DCDC2: variants seen among roughly 807,000 people sequenced by gnomAD.
DCDC2 encodes the protein doublecortin domain containing 2.
DCDC2 carries 40 observed loss-of-function variants against 50.2 expected under a neutral mutation model. The ratio of observed to expected loss-of-function variants is 0.80; its 90% confidence interval spans 0.62 to 1.04. The LOEUF is 1.04. DCDC2 is among the 50% of genes least tolerant of loss of function. DCDC2 has a pLI of 0.00. For synonymous variants in DCDC2, 234 were observed against 210.6 expected, an observed-to-expected ratio of 1.11 and a Z score of -0.96; for missense variants, 570 against 581.9, an observed-to-expected ratio of 0.98 and a Z score of 0.21.
In DCDC2 at chr6:24,174,703, T is replaced by C. The variant is rs1260290896; in HGVS notation, c.*27A>G. ...TGATAACCCTTCATTTTTCTTGCGA[T>C]CCATATACTCTCTTTTTAAAAATGT... On this transcript the variant is annotated 3_prime_UTR_variant, in exon 10 of 10. Coordinates refer to ENST00000378454, the MANE Select transcript of DCDC2 (RefSeq NM_016356.5). The C allele has an allele frequency of 6.7e-7, 1 of 1,489,922 alleles. No homozygotes were observed. The highest frequency in any genetic ancestry group is 2.3e-5 in the East Asian group (1 of 44,208). The allele number at this position is 1,489,922 out of a possible 1,614,324, so 92.3% of individuals were successfully genotyped here. A position where few individuals can be genotyped will look rare whatever the true frequency, so the allele number is the denominator to read the frequency against.
intron 7 of DCDC2, among the ~76,000 whole-genome samples, chr6:24,274,380 G>A (rs1763303950): frequency 6.6e-6 from 1 of 152,072 alleles, no homozygotes; most frequent in Admixed American, 6.5e-5. Context: ...ATATCTCAAG[G>A]CACTGCAACT....
chr6:24,196,660 G>C (rs562557541), intron 8 of DCDC2, among the ~76,000 whole-genome samples: 199 of 152,188 alleles, frequency 1.3e-3, no homozygotes, highest in African/African-American at 4.6e-3. Flanking sequence ...CTGACTTTAG[G>C]TGATCCAGAC....
chr6:24,182,590 C>G (rs1373567355), intron 8 of DCDC2, among the ~76,000 whole-genome samples: 1 of 95,174 alleles, frequency 1.1e-5, no homozygotes, highest in African/African-American at 3.5e-5. Flanking sequence ...CAAATTAAAA[C>G]TGCAATAAGA....
chr6:24,265,031 T>C (rs1469941398), intron 7 of DCDC2, among the ~76,000 whole-genome samples: 1 of 152,190 alleles, frequency 6.6e-6, no homozygotes, highest in Non-Finnish European at 1.5e-5. Context: ...CCAAGTGTGA[T>C]GGCTCACACC....
intron 7 of DCDC2, among the ~76,000 whole-genome samples, chr6:24,211,256 G>A (rs935645004): frequency 5.9e-5 from 9 of 152,332 alleles, no homozygotes; most frequent in Non-Finnish European, 1.2e-4. Context: ...TGTTCTTACA[G>A]GGTGTTGCCC....
chr6:24,177,077 C>A (rs1296323219), intron 9 of DCDC2, among the ~76,000 whole-genome samples: 1 of 152,172 alleles, frequency 6.6e-6, no homozygotes, highest in African/African-American at 2.4e-5. Flanking sequence ...TCTAGTCCCA[C>A]ACAGAATTAC....
chr6:24,317,546 A>G (rs1759694477), intron 2 of DCDC2, among the ~76,000 whole-genome samples: 1 of 152,112 alleles, frequency 6.6e-6, no homozygotes, highest in Non-Finnish European at 1.5e-5. Flanking sequence ...TACAAGTACT[A>G]AAAGAAAACA....
At chr6:24,225,114 T>C (rs932923776) in intron 7 of DCDC2, among the ~76,000 whole-genome samples, 1 of 152,152 alleles carries the variant, frequency 6.6e-6, no homozygotes, top group African/African-American at 2.4e-5. Flanking sequence ...TCCTCCAATT[T>C]GGGGGTCCCT....
intron 2 of DCDC2, among the ~76,000 whole-genome samples, chr6:24,314,975 A>G (rs978925477): frequency 6.6e-6 from 1 of 152,186 alleles, no homozygotes; most frequent in Non-Finnish European, 1.5e-5. Flanking sequence ...TTCTTGTAAT[A>G]GGACTAAAAC....
intron 7 of DCDC2, among the ~76,000 whole-genome samples, chr6:24,209,419 G>A (rs769720496): frequency 2.0e-5 from 3 of 152,170 alleles, no homozygotes; most frequent in Non-Finnish European, 2.9e-5. Context: ...AAGGGTGAGT[G>A]ACAACTAGGG....
intron 8 of DCDC2, among the ~76,000 whole-genome samples, chr6:24,201,714 G>A (rs1275746979): frequency 1.3e-5 from 2 of 152,170 alleles, no homozygotes; most frequent in East Asian, 3.8e-4. Flanking sequence ...GCATCCAGGA[G>A]CTGGTTTTTT....
At chr6:24,271,945 C>T (rs1581623687) in intron 7 of DCDC2, among the ~76,000 whole-genome samples, 1 of 152,114 alleles carries the variant, frequency 6.6e-6, no homozygotes, top group East Asian at 1.9e-4. Flanking sequence ...TCAAACTCAA[C>T]CCTGGGCTAC....
chr6:24,222,234 G>A (rs1339776256), intron 7 of DCDC2, among the ~76,000 whole-genome samples: 1 of 152,166 alleles, frequency 6.6e-6, no homozygotes, highest in African/African-American at 2.4e-5. Flanking sequence ...AGAATATAAG[G>A]TGTGATGAGT....
At position 24,358,006 on chromosome 6, in the gene DCDC2, C is replaced by G; in HGVS notation, c.-256G>C. On this transcript the variant is annotated 5_prime_UTR_variant, in exon 1 of 10. Transcript: ENST00000378454. ...GCACAGCCAATCAGGACCCGCAGTG[C>G]GCGCACCACACCAGGTTCACCTGCT... 7.5e-7 allele frequency: 1 copy of G among 1,327,806 alleles called. No individual in the cohort carries two copies. Among genetic ancestry groups the G allele is most frequent in the East Asian group, 2.6e-5 (1 of 39,198 alleles). 82.3% of individuals were successfully genotyped at this position (1,327,806 alleles called of 1,614,324 possible).
chr6:24,217,369 A>T (rs752667737), intron 7 of DCDC2, among the ~76,000 whole-genome samples: 1 of 152,224 alleles, frequency 6.6e-6, no homozygotes, highest in Non-Finnish European at 1.5e-5. Flanking sequence ...AACATCTCTA[A>T]TAATCCAAGG....
the DCDC2 span, among the ~76,000 whole-genome samples, chr6:24,381,610 T>C: frequency 1.3e-5 from 2 of 152,192 alleles, no homozygotes; most frequent in East Asian, 1.9e-4. Context: ...CAGGAGTTTG[T>C]TGTGATTCTT....
At chr6:24,358,172 A>T, upstream of DCDC2, 1 of 455,148 alleles carries the variant, frequency 2.2e-6, no homozygotes, top group Non-Finnish European at 4.0e-6. Context: ...CCAATTTCTT[A>T]CATCATATCT....
chr6:24,298,298 C>T (rs536823024), intron 4 of DCDC2, among the ~76,000 whole-genome samples: 16 of 152,314 alleles, frequency 1.1e-4, no homozygotes, highest in South Asian at 6.2e-4. Flanking sequence ...TAACAGGCCA[C>T]GGAATGGTAC....
intron 2 of DCDC2, among the ~76,000 whole-genome samples, chr6:24,331,664 T>A (rs1440928330): frequency 6.6e-6 from 1 of 152,182 alleles, no homozygotes; most frequent in Non-Finnish European, 1.5e-5. Flanking sequence ...TATAATTATA[T>A]AAAGTAACTT....
Sources: allele counts gnomAD v4.1 joint callset (sites outside exome capture counted in the v4.1 genomes callset), GRCh38; gene constraint gnomAD v4.1.1; transcripts MANE v1.5; gene names NCBI Gene and HGNC (gene_info 2026-07-23, HGNC 2026-07-21).